Variants in IL16 observed in about 807,000 individuals in gnomAD.
IL16 encodes the protein pro-interleukin-16.
IL16 carries 67 observed loss-of-function variants against 110.1 expected under a neutral mutation model. The ratio of observed to expected loss-of-function variants is 0.61; its 90% CI spans 0.50 to 0.75. The LOEUF is 0.75. Ranked by LOEUF, IL16 falls within the 30% of genes least tolerant of loss-of-function variation. The pLI, the probability that IL16 is intolerant of heterozygous loss-of-function variation, is 0.00. For missense variants in IL16, 1,545 were observed against 1,655.0 expected (o/e 0.93, Z 1.15); for synonymous variants, 689 against 662.9 (o/e 1.04, Z -0.61).
At position 81,225,552 on chromosome 15, in the gene IL16, G is replaced by A. The variant is rs758078437; in HGVS notation, c.153G>A (p.Gln51=). 1 of 1,614,150 alleles carries A rather than the reference G, an allele frequency of 6.2e-7. No individual in the cohort carries two copies. Among genetic ancestry groups the A allele is most frequent in the Non-Finnish European group, 8.5e-7 (1 of 1,180,020 alleles). The change falls in exon 2 of 19, where the codon CAG becomes CAA. Residue 51 remains glutamine (Q), a synonymous_variant. Transcript: ENST00000683961. The stretch of plus-strand genomic sequence containing the variant: ...ATCCCTTTGAGATTTCCTTGGCCCA[G>A]GGCAAGGAGGGAATTTTCCACTCAT... ...YPDPFEISLA[Q]GKEGIFHSSV... is the part of the protein sequence containing the mutation.
At chr15:81,247,076 CTTTTT>C (rs57484982) in intron 2 of IL16, among the ~76,000 whole-genome samples, 6 of 92,618 alleles carry the variant, frequency 6.5e-5, no homozygotes, top group Non-Finnish European at 1.1e-4. Flanking sequence ...TTTTCTTTTC[CTTTTT>C]TTTTTTTTTT....
At chr15:81,193,473 T>C (rs1895530282), upstream of IL16, among the ~76,000 whole-genome samples, 1 of 152,106 alleles carries the variant, frequency 6.6e-6, no homozygotes, top group Non-Finnish European at 1.5e-5. Context: ...TATTTGCTTG[T>C]GGACTGGCTT....
In IL16 at chr15:81,202,928, T is replaced by G. The variant is rs1481885999; in HGVS notation, c.-102+5776T>G. Among the ~76,000 whole-genome samples, 5 of 152,028 alleles carry G rather than the reference T, an allele frequency of 3.3e-5. No individual in the cohort carries two copies. In the East Asian group the frequency reaches 9.7e-4, roughly 29 times the overall value. On this transcript the variant is annotated intron_variant, in intron 1 of 18. Transcript: ENST00000683961. Reference sequence around the variant, plus strand: ...GACTTCCACAATGGTTGAACTAGTTTACAGTCCCACCAACAGTGTAAAAGT... The same window carrying G: ...GACTTCCACAATGGTTGAACTAGTTGACAGTCCCACCAACAGTGTAAAAGT...
Position 81,300,044 on chromosome 15 carries a change from G to C in IL16, c.2718G>C (p.Ser906=). The C allele has an allele frequency of 1.9e-6, 3 of 1,568,614 alleles. No individual in the cohort carries two copies. The highest frequency in any genetic ancestry group is 2.6e-6 in the Non-Finnish European group (3 of 1,158,760). Residue 906 remains serine, a synonymous_variant, in exon 14 of 19, where the codon TCG becomes TCC. Coordinates refer to ENST00000683961, the MANE Select transcript of IL16 (RefSeq NM_172217.5). ...AGCAGCCTGAGCAAGTACTGTCCTC[G>C]GGGTCCCCTGCAGCCTCCGAGGCCA... ...VPQQPEQVLS[S]GSPAASEARD... is the part of the protein sequence containing the mutation.
intron 16 of IL16, among the ~76,000 whole-genome samples, chr15:81,304,774 G>T (rs1281902341): frequency 6.6e-6 from 1 of 152,142 alleles, no homozygotes; most frequent in Non-Finnish European, 1.5e-5. Flanking sequence ...CTTCATGCTT[G>T]GATGTTACAG....
intron 2 of IL16, among the ~76,000 whole-genome samples, chr15:81,247,083 T>C (rs1456868994): frequency 3.0e-4 from 44 of 145,488 alleles, no homozygotes; most frequent in Non-Finnish European, 5.2e-4. Context: ...TTCCTTTTTT[T>C]TTTTTTTTTT....
intron 12 of IL16, chr15:81,295,239 T>C (rs556162406): frequency 5.7e-6 from 2 of 351,350 alleles, no homozygotes; most frequent in South Asian, 4.6e-5. Flanking sequence ...TCTCCCTCTT[T>C]CCTTCTTTCT....
chr15:81,308,629 C>A lies in IL16; in HGVS notation c.3830C>A (p.Thr1277Lys). 6.2e-7 allele frequency: 1 copy of A among 1,611,482 alleles called. No individual in the cohort carries two copies. Among genetic ancestry groups the A allele is most frequent in the Non-Finnish European group, 8.5e-7 (1 of 1,178,868 alleles). ...GGAGCAGCCTCAGAACAAAGTGAGA[C>A]AGTCCAGCCTGGAGATGAAATCTTA... ...FKGAASEQSETVQPGDEILQL... is the reference protein window; with the variant it reads ...FKGAASEQSEKVQPGDEILQL... The change falls in exon 19 of 19, where the codon ACA becomes AAA. Residue 1277 changes from threonine (T) to lysine (K), a missense_variant. By Grantham distance (78) the Thr-to-Lys change is moderately conservative (BLOSUM62 -1). Transcript: ENST00000683961.
intron 1 of IL16, among the ~76,000 whole-genome samples, chr15:81,198,458 T>A (rs1895678890): frequency 6.6e-6 from 1 of 152,142 alleles, no homozygotes; most frequent in Non-Finnish European, 1.5e-5. Flanking sequence ...AACACAAAGA[T>A]GGTCATATAT....
chr15:81,272,910 TTGTTGTTGTTGG>T (rs1898706159), intron 5 of IL16, among the ~76,000 whole-genome samples, 168 bp from the exon 6 acceptor site: 2 of 144,312 alleles, frequency 1.4e-5, no homozygotes, highest in Middle Eastern at 3.4e-3. Context: ...CCTATTTTTG[TTGTTGTTGTTGG>T]TGTTGTTGTT....
Position 81,282,692 on chromosome 15 carries a change from A to C in IL16, c.1135A>C (p.Ile379Leu). ...GLCSVPYFQC[I>L]SGIFVHTLSP... ...GTGCAGCGTTCCCTACTTCCAATGC[A>C]TCTCTGGCATTTTCGTCCACACGCT... Residue 379 changes from isoleucine to leucine, a missense_variant, in exon 9 of 19, where the codon ATC becomes CTC. Physicochemically the swap from Ile to Leu is conservative, Grantham distance 5. This residue lies in a region of IL16 where 1,185 missense variants were observed against 1,238.8 expected (regional missense o/e 0.96). Transcript: ENST00000683961. The C allele has an allele frequency of 1.2e-6, 2 of 1,614,126 alleles. No homozygotes were observed. The highest frequency in any genetic ancestry group is 1.7e-6 in the Non-Finnish European group (2 of 1,180,040).
chr15:81,304,633 G>C (rs926719095), intron 16 of IL16, among the ~76,000 whole-genome samples: 13 of 152,276 alleles, frequency 8.5e-5, no homozygotes, highest in African/African-American at 3.1e-4. Context: ...ACTTTGGATT[G>C]ATAAATTGGT....
At chr15:81,206,863 AATAATG>A (rs1896036070) in intron 1 of IL16, among the ~76,000 whole-genome samples, 1 of 118,250 alleles carries the variant, frequency 8.5e-6, no homozygotes, top group South Asian at 3.1e-4. Context: ...TCGGGCTTTA[AATAATG>A]ATGATGATGA....
intron 1 of IL16, chr15:81,182,924 G>T: frequency 7.9e-7 from 1 of 1,273,722 alleles, no homozygotes; most frequent in Non-Finnish European, 1.0e-6. Flanking sequence ...TCCTATCCCA[G>T]GGGACTCAGG....
At chr15:81,190,705 A>G (rs570461794) in intron 1 of IL16, among the ~76,000 whole-genome samples, 26 of 152,314 alleles carry the variant, frequency 1.7e-4, no homozygotes, top group African/African-American at 6.0e-4. Flanking sequence ...CAAAGAAAGA[A>G]GCTGAAAAAT....
intron 16 of IL16, chr15:81,305,675 G>GCC: frequency 3.5e-6 from 2 of 568,406 alleles, no homozygotes; most frequent in South Asian, 2.1e-5. Context: ...ACGTTGTGTT[G>GCC]GGATGGATTC....
In IL16 at chr15:81,300,380, CAAGG is replaced by C; in HGVS notation, c.3059_3062del (p.Glu1020GlyfsTer34). On this transcript the variant is annotated frameshift_variant, in exon 14 of 19. Transcript: ENST00000683961. LOFTEE classifies it high-confidence loss of function. ...CCTGTGCCCAGACTCCCTGCATCCC[CAAGG>C]AAGGGGCATCTCCAACATCATCATC... 1 of 1,614,092 alleles carries C rather than the reference CAAGG, an allele frequency of 6.2e-7. No individual in the cohort carries two copies. The highest frequency in any genetic ancestry group is 8.5e-7 in the Non-Finnish European group (1 of 1,179,944).
intron 1 of IL16, among the ~76,000 whole-genome samples, chr15:81,217,931 AG>A (rs1360914868): frequency 6.6e-6 from 1 of 152,192 alleles, no homozygotes; most frequent in Non-Finnish European, 1.5e-5. Flanking sequence ...TCTACATACT[AG>A]AAAACACTGC....
At position 81,306,020 on chromosome 15, in the gene IL16, C is replaced by T. The variant is rs1436231282; in HGVS notation, c.3533C>T (p.Ala1178Val). ...KSLKGTTHHD[A>V]LAILRQAREP... ...CTCAAGGGGACCACGCACCATGATG[C>T]CTTGGCCATCCTCCGCCAAGCTCGA... The change falls in exon 17 of 19, where the codon GCC becomes GTC. Residue 1178 changes from alanine to valine, a missense_variant. Ala to Val is a moderately conservative substitution (Grantham distance 64, BLOSUM62 0). Coordinates refer to ENST00000683961, the MANE Select transcript of IL16 (RefSeq NM_172217.5). 19 of 1,614,144 alleles carry T rather than the reference C, an allele frequency of 1.2e-5. No homozygotes were observed. Among genetic ancestry groups the T allele is most frequent in the Non-Finnish European group, 1.4e-5 (16 of 1,180,062 alleles).
Sources: gnomAD v4.1 joint callset for allele counts (sites outside exome capture counted in the v4.1 genomes callset) on GRCh38, gnomAD v4.1.1 for gene constraint, gnomAD v4.1.1 regional missense constraint, MANE v1.5 for transcripts, NCBI Gene and HGNC (gene_info 2026-07-23, HGNC 2026-07-21) for gene names.